RAPGEF2: variants seen among roughly 807,000 people sequenced by gnomAD.
RAPGEF2 encodes the protein Rap guanine nucleotide exchange factor 2, also known as PDZ domain containing guanine nucleotide exchange factor (GEF) 1.
A neutral mutation model predicts 186.7 loss-of-function variants in RAPGEF2; 54 were observed. That is an observed-to-expected ratio of 0.29 (90% CI 0.23 to 0.36). RAPGEF2 has a LOEUF of 0.36. RAPGEF2 is among the 10% of genes least tolerant of loss of function. The pLI, the probability that RAPGEF2 is intolerant of heterozygous loss-of-function variation, is 1.00. For missense variants in RAPGEF2, 1,532 were observed against 2,045.0 expected (o/e 0.75, Z 4.84); for synonymous variants, 712 against 705.9 (o/e 1.01, Z -0.14).
chr4:159,212,775 A>G (rs932863569), intron 4 of RAPGEF2, among the ~76,000 whole-genome samples: 2 of 152,222 alleles, frequency 1.3e-5, no homozygotes, highest in Non-Finnish European at 2.9e-5. Context: ...ATCTTAATAC[A>G]GGGTCTGTTG....
At chr4:159,253,706 T>G (rs559811578) in intron 7 of RAPGEF2, among the ~76,000 whole-genome samples, 1 of 152,162 alleles carries the variant, frequency 6.6e-6, no homozygotes, top group African/African-American at 2.4e-5. Context: ...CGGTGGCTCA[T>G]GCCTGCAATC....
intron 7 of RAPGEF2, among the ~76,000 whole-genome samples, chr4:159,274,775 A>G (rs1292792483): frequency 6.6e-6 from 1 of 152,230 alleles, no homozygotes; most frequent in East Asian, 1.9e-4. Context: ...TAAGAAACTA[A>G]TAGAAAAAAT....
At chr4:159,314,818 G>T in intron 9 of RAPGEF2, 50 bp downstream of exon 9, 2 of 1,504,820 alleles carry the variant, frequency 1.3e-6, no homozygotes, top group Non-Finnish European at 1.8e-6. Flanking sequence ...AAGATTTAGT[G>T]GCAAAATTGT....
At position 159,358,129 on chromosome 4, in the gene RAPGEF2, C is replaced by T. The variant is rs1280402186; in HGVS notation, c.4973C>T (p.Ser1658Phe). The change falls in exon 30 of 30, where the codon TCT (serine) becomes TTT (phenylalanine). Residue 1658 changes from serine to phenylalanine, a missense_variant. By Grantham distance (155) the Ser-to-Phe change is radical (BLOSUM62 -2). Coordinates refer to ENST00000691494, the MANE Select transcript of RAPGEF2 (RefSeq NM_001394067.2). Reference sequence around the variant, plus strand: ...GTATTTGCAGAAGATGAACAAGTTTCTGCTGTTTGAGGCACAGACTTTTCT... The same window carrying T: ...GTATTTGCAGAAGATGAACAAGTTTTTGCTGTTTGAGGCACAGACTTTTCT... Reference protein sequence around the residue: ...STEEDEDEQVSAV With the variant: ...STEEDEDEQVFAV The T allele has an allele frequency of 6.2e-7, 1 of 1,612,250 alleles. No homozygotes were observed. The highest frequency in any genetic ancestry group is 1.7e-5 in the Admixed American group (1 of 59,688).
intron 3 of RAPGEF2, among the ~76,000 whole-genome samples, chr4:159,205,293 G>A (rs530885062): frequency 1.3e-5 from 2 of 152,114 alleles, no homozygotes; most frequent in East Asian, 1.9e-4. Flanking sequence ...AACATCTTAG[G>A]TGATTCATTT....
intron 3 of RAPGEF2, among the ~76,000 whole-genome samples, chr4:159,198,004 G>T (rs1748846936): frequency 6.6e-6 from 1 of 152,066 alleles, no homozygotes; most frequent in African/African-American, 2.4e-5. Context: ...GACCCTAAGC[G>T]TGCCACGATG....
intron 1 of RAPGEF2, among the ~76,000 whole-genome samples, chr4:159,113,734 CTG>C (rs1738747217): frequency 9.2e-6 from 1 of 108,584 alleles, no homozygotes; most frequent in South Asian, 3.3e-4. Flanking sequence ...GGATGAGACT[CTG>C]TCTCAAAAAA....
At chr4:159,104,669 A>G (rs532985380) in intron 1 of RAPGEF2, among the ~76,000 whole-genome samples, 2 of 152,194 alleles carry the variant, frequency 1.3e-5, no homozygotes, top group African/African-American at 2.4e-5. Context: ...CCCCTCGGGC[A>G]GCGACTCTTG....
chr4:159,316,390 G>T (rs759728962), intron 9 of RAPGEF2, among the ~76,000 whole-genome samples: 8 of 151,970 alleles, frequency 5.3e-5, no homozygotes, highest in African/African-American at 9.7e-5. Flanking sequence ...CATGTCCTCG[G>T]TCTCTTGCCT....
intron 4 of RAPGEF2, among the ~76,000 whole-genome samples, chr4:159,236,646 T>C (rs56806866): frequency 0.36 from 54,490 of 151,728 alleles, 10,200 homozygotes; most frequent in Non-Finnish European, 0.4. Flanking sequence ...CTTGTCCAAG[T>C]CTGTAACCTG....
At chr4:159,323,337 G>C in intron 10 of RAPGEF2, 122 bp from the exon 11 acceptor site, 1 of 729,716 alleles carries the variant, frequency 1.4e-6, no homozygotes, top group Admixed American at 3.2e-5. Flanking sequence ...CAGTAAACTT[G>C]AGTTACTTGT....
At chr4:159,344,557 C>A (rs1211973279) in intron 23 of RAPGEF2, among the ~76,000 whole-genome samples, 2 of 152,136 alleles carry the variant, frequency 1.3e-5, no homozygotes, top group Non-Finnish European at 1.5e-5. Flanking sequence ...AAAAATAATT[C>A]TTAACAATTC....
intron 1 of RAPGEF2, among the ~76,000 whole-genome samples, chr4:159,119,988 A>G (rs1031361269): frequency 1.3e-5 from 2 of 151,920 alleles, no homozygotes; most frequent in Admixed American, 6.6e-5. Context: ...TCAGTGTTTC[A>G]TTTGTCATCA....
intron 4 of RAPGEF2, among the ~76,000 whole-genome samples, chr4:159,226,303 A>C (rs1752023850): frequency 6.6e-6 from 1 of 152,180 alleles, no homozygotes; most frequent in African/African-American, 2.4e-5. Context: ...AAATAAATTA[A>C]CTATAAAATA....
chr4:159,330,277 G>GTGTGTGTGTGTGTGTGTC (rs1766495233), intron 12 of RAPGEF2, 57 bp from the exon 13 acceptor site: 1 of 811,486 alleles, frequency 1.2e-6, no homozygotes, highest in Non-Finnish European at 2.0e-6. Context: ...GTGTGTGTGT[G>GTGTGTGTGTGTGTGTGTC]TGTGTGTGTG....
At chr4:159,151,043 G>T (rs1409452903) in intron 1 of RAPGEF2, among the ~76,000 whole-genome samples, 1 of 152,196 alleles carries the variant, frequency 6.6e-6, no homozygotes, top group East Asian at 1.9e-4. Flanking sequence ...TTTGCTGATT[G>T]TGCCCAAAAT....
chr4:159,163,682 T>A (rs1326667622), intron 1 of RAPGEF2, among the ~76,000 whole-genome samples: 4 of 152,230 alleles, frequency 2.6e-5, no homozygotes, highest in African/African-American at 9.6e-5. Context: ...AAAATCACTT[T>A]TTCTAGTGTA....
At chr4:159,336,845 TTTC>T (rs1184559424) in intron 17 of RAPGEF2, among the ~76,000 whole-genome samples, 7 of 152,202 alleles carry the variant, frequency 4.6e-5, no homozygotes, top group Non-Finnish European at 8.8e-5. Context: ...AAATGCTAAA[TTTC>T]TTCATTTTAT....
intron 17 of RAPGEF2, among the ~76,000 whole-genome samples, chr4:159,334,836 C>T (rs1052383151): frequency 1.3e-5 from 2 of 152,054 alleles, no homozygotes; most frequent in Non-Finnish European, 2.9e-5. Context: ...TTTTAAAACA[C>T]TGAGGAAACA....
Sources: allele counts gnomAD v4.1 joint callset (sites outside exome capture counted in the v4.1 genomes callset), GRCh38; gene constraint gnomAD v4.1.1; transcripts MANE v1.5; gene names NCBI Gene and HGNC (gene_info 2026-07-23, HGNC 2026-07-21).